Variants in DNAAF11 observed in about 807,000 individuals in gnomAD.
DNAAF11 encodes the protein dynein axonemal assembly factor 11, also known as leucine rich repeat containing 6.
DNAAF11 carries 45 observed loss-of-function variants against 60.8 expected under a neutral mutation model. The ratio of observed to expected loss-of-function variants is 0.74; its 90% confidence interval spans 0.58 to 0.95. DNAAF11 has a LOEUF of 0.95. Ranked by LOEUF, DNAAF11 falls within the 40% of genes least tolerant of loss-of-function variation. The pLI is 0.00. For synonymous variants in DNAAF11, 191 were observed against 183.5 expected (o/e 1.04, Z -0.33); for missense variants, 546 against 546.2 (o/e 1.00, Z 0.00).
intron 3 of DNAAF11, among the ~76,000 whole-genome samples, chr8:132,639,157 A>G (rs917411521): frequency 2.6e-5 from 4 of 152,200 alleles, no homozygotes; most frequent in African/African-American, 7.2e-5. Flanking sequence ...CAATGTACCT[A>G]TGTGGAAAGA....
At chr8:132,604,581 T>C (rs1817953898) in intron 10 of DNAAF11, among the ~76,000 whole-genome samples, 1 of 152,186 alleles carries the variant, frequency 6.6e-6, no homozygotes, top group Non-Finnish European at 1.5e-5. Context: ...TGAACAAGCC[T>C]CTCAGTGCAT....
At chr8:132,702,676 G>C in the DNAAF11 span, among the ~76,000 whole-genome samples, 1 of 152,126 alleles carries the variant, frequency 6.6e-6, no homozygotes, top group Non-Finnish European at 1.5e-5. Context: ...GCATGAACTT[G>C]TTTAATCTCA....
At chr8:132,637,786 G>C (rs1223857569) in intron 4 of DNAAF11, 149 bp downstream of exon 4, 2 of 592,914 alleles carry the variant, frequency 3.4e-6, no homozygotes, top group Non-Finnish European at 2.9e-6. Context: ...AATATTAAAG[G>C]TCTAGCCATT....
At position 132,571,124 on chromosome 8, in the gene DNAAF11, T is replaced by C. The variant is rs1814139746; in HGVS notation, c.*1182A>G. On this transcript the variant is annotated 3_prime_UTR_variant, in exon 12 of 12. Coordinates refer to ENST00000620350, the MANE Select transcript of DNAAF11 (RefSeq NM_012472.6). ...GCTAAACATTAGCAGAGTCTTCCAC[T>C]GGAAGCCTGTTTAATAGAGAAAGGC... Among the ~76,000 whole-genome samples, 1 of 152,188 alleles carries C rather than the reference T, an allele frequency of 6.6e-6. No individual in the cohort carries two copies. Among genetic ancestry groups the C allele is most frequent in the Non-Finnish European group, 1.5e-5 (1 of 68,038 alleles).
chr8:132,634,376 C>G (rs1367322523), intron 4 of DNAAF11, among the ~76,000 whole-genome samples: 3 of 152,160 alleles, frequency 2.0e-5, no homozygotes, highest in East Asian at 3.8e-4. Flanking sequence ...AGATGTCAAG[C>G]ATTGTTTCTG....
chr8:132,579,705 G>A (rs2357508), intron 11 of DNAAF11, among the ~76,000 whole-genome samples: 75,479 of 152,002 alleles, frequency 0.5, 22,180 homozygotes, highest in African/African-American at 0.83. Flanking sequence ...GTAAAAAATA[G>A]ACAACTAGGC....
At chr8:132,684,990 A>G in the DNAAF11 span, 6 of 150,876 alleles carry the variant, frequency 4.0e-5, 1 homozygote, top group Admixed American at 1.3e-4. Context: ...TGAAGACCCT[A>G]TTAATCCGAG....
the DNAAF11 span, among the ~76,000 whole-genome samples, chr8:132,686,478 T>A: frequency 1.3e-4 from 20 of 152,306 alleles, no homozygotes; most frequent in African/African-American, 4.8e-4. Flanking sequence ...TACTACACAA[T>A]GCAGTATTTC....
intron 10 of DNAAF11, among the ~76,000 whole-genome samples, chr8:132,599,147 T>A (rs1421209554): frequency 1.3e-5 from 2 of 152,008 alleles, no homozygotes; most frequent in African/African-American, 2.4e-5. Context: ...TATAAACACC[T>A]CTACGCAAAT....
At chr8:132,657,558 T>A (rs1172373837) in intron 2 of DNAAF11, among the ~76,000 whole-genome samples, 1 of 152,182 alleles carries the variant, frequency 6.6e-6, no homozygotes, top group African/African-American at 2.4e-5. Context: ...TCTACCACAT[T>A]TAGTTGGGTT....
At chr8:132,657,917 C>A (rs1324661249) in intron 2 of DNAAF11, among the ~76,000 whole-genome samples, 1 of 152,176 alleles carries the variant, frequency 6.6e-6, no homozygotes. Flanking sequence ...GAACCTGGAA[C>A]TAAATCATTA....
At chr8:132,605,089 C>T (rs1452177645) in intron 10 of DNAAF11, among the ~76,000 whole-genome samples, 3 of 152,092 alleles carry the variant, frequency 2.0e-5, no homozygotes, top group African/African-American at 4.8e-5. Context: ...ATGTCCCAAG[C>T]GCTGTCCTAG....
chr8:132,584,869 C>T (rs1815726122), intron 10 of DNAAF11, among the ~76,000 whole-genome samples: 1 of 152,188 alleles, frequency 6.6e-6, no homozygotes, highest in African/African-American at 2.4e-5. Flanking sequence ...CATCATCTGC[C>T]TCCCATCTAC....
chr8:132,674,827 G>GC (rs1451332676), intron 1 of DNAAF11, among the ~76,000 whole-genome samples: 3 of 152,236 alleles, frequency 2.0e-5, no homozygotes, highest in African/African-American at 7.2e-5. Context: ...GGCGGAGGCT[G>GC]CAGTGGGCCG....
At chr8:132,604,004 G>T (rs1221415614) in intron 10 of DNAAF11, among the ~76,000 whole-genome samples, 1 of 152,148 alleles carries the variant, frequency 6.6e-6, no homozygotes, top group Non-Finnish European at 1.5e-5. Flanking sequence ...AATGCAGATA[G>T]GTTGGTAGCC....
At position 132,632,880 on chromosome 8, in the gene DNAAF11, C is replaced by A. The variant is rs938070612; in HGVS notation, c.513G>T (p.Glu171Asp). ...DYSVIEPQIR[E>D]QEKDHCLKRA... ...GTTTAAGACAGTGATCTTTTTCCTG[C>A]TCTCTGATTTGTGGTTCAATTACTG... The change falls in exon 5 of 12, where the codon GAG becomes GAT. Residue 171 changes from glutamate to aspartate, a missense_variant. Coordinates refer to ENST00000620350, the MANE Select transcript of DNAAF11 (RefSeq NM_012472.6). The A allele has an allele frequency of 6.2e-7, 1 of 1,613,696 alleles. No individual in the cohort carries two copies. Among genetic ancestry groups the A allele is most frequent in the Non-Finnish European group, 8.5e-7 (1 of 1,179,806 alleles).
chr8:132,693,567 C>T, the DNAAF11 span, among the ~76,000 whole-genome samples: 935 of 151,682 alleles, frequency 6.2e-3, 15 homozygotes, highest in African/African-American at 0.022. Flanking sequence ...GAGTGCCTGC[C>T]CTCAAGAAGC....
At chr8:132,583,633 C>A in intron 11 of DNAAF11, 61 bp downstream of exon 11, 1 of 1,339,830 alleles carries the variant, frequency 7.5e-7, no homozygotes, top group Non-Finnish European at 1.1e-6. Flanking sequence ...GCATTCCAAC[C>A]AACAAATGAC....
At chr8:132,699,402 T>C in the DNAAF11 span, among the ~76,000 whole-genome samples, 1,233 of 152,244 alleles carry the variant, frequency 8.1e-3, 18 homozygotes, top group African/African-American at 0.028. Flanking sequence ...CGCTGTGATG[T>C]ACTAAGCAAG....
Sources: gnomAD v4.1 joint callset for allele counts (sites outside exome capture counted in the v4.1 genomes callset) on GRCh38, gnomAD v4.1.1 for gene constraint, MANE v1.5 for transcripts, NCBI Gene and HGNC (gene_info 2026-07-23, HGNC 2026-07-21) for gene names.